CDHR1: variants seen among roughly 807,000 people sequenced by gnomAD.
The protein encoded by CDHR1 is cadherin related family member 1.
In CDHR1, 61 loss-of-function variants were observed where a neutral mutation model predicts 72.1. The ratio of observed to expected loss-of-function variants is 0.85; its 90% CI spans 0.69 to 1.05. The LOEUF (loss-of-function observed/expected upper bound fraction) is 1.05, where lower values mean the gene tolerates loss of function less well. Among genes scored for constraint, CDHR1 ranks in the 50% least tolerant of loss-of-function variants. The probability of loss-of-function intolerance (pLI) is 0.00; values close to 1 mark genes in which losing one functional copy is unlikely to be tolerated. For synonymous variants in CDHR1, 470 were observed against 448.1 expected (o/e 1.05, Z -0.62); for missense variants, 1,186 against 1,115.7 (o/e 1.06, Z -0.90).
chr10:84,194,676 TGCCCTCCCCGCGG>T lies in CDHR1; in HGVS notation c.-80_-68del. ...TCGCCGCTACCCCCATTGTGGTCTC[TGCCCTCCCCGCGG>T]GCCCAGGGCATGCTCCGTGCCCCTG... On this transcript the variant is annotated 5_prime_UTR_variant, in exon 1 of 17. Coordinates refer to ENST00000623527, the MANE Select transcript of CDHR1 (RefSeq NM_033100.4). 1 of 1,137,874 alleles carries T rather than the reference TGCCCTCCCCGCGG, an allele frequency of 8.8e-7. No individual in the cohort carries two copies. Among genetic ancestry groups the T allele is most frequent in the Non-Finnish European group, 1.2e-6 (1 of 861,234 alleles). 70.5% of individuals were successfully genotyped at this position (1,137,874 alleles called of 1,614,324 possible). A position where few individuals can be genotyped will look rare whatever the true frequency, so the allele number is the denominator to read the frequency against.
chr10:84,208,235 G>A lies in CDHR1; in HGVS notation c.1025G>A (p.Arg342Lys). 1 of 1,614,154 alleles carries A rather than the reference G, an allele frequency of 6.2e-7. No individual in the cohort carries two copies. The highest frequency in any genetic ancestry group is 1.1e-5 in the South Asian group (1 of 91,084). ...AAQATVPVTIRIVDLNNHPPT... is the reference protein window; with the variant it reads ...AAQATVPVTIKIVDLNNHPPT... ...CAGGCCACCGTCCCAGTCACCATCAGGATTGTGGACCTCAACAACCACCCG... is the reference window on the plus strand; with the variant it reads ...CAGGCCACCGTCCCAGTCACCATCAAGATTGTGGACCTCAACAACCACCCG... The change falls in exon 11 of 17, where the codon AGG becomes AAG. Residue 342 changes from arginine (R) to lysine (K), a missense_variant. Coordinates refer to ENST00000623527, the MANE Select transcript of CDHR1 (RefSeq NM_033100.4).
At position 84,207,717 on chromosome 10, in the gene CDHR1, C is replaced by G. The variant is rs79242005; in HGVS notation, c.964-457C>G. On this transcript the variant is annotated intron_variant, in intron 10 of 16. Coordinates refer to ENST00000623527, the MANE Select transcript of CDHR1 (RefSeq NM_033100.4). Reference sequence around the variant, plus strand: ...CTGTGGTTCAGGACTCCAGGCTCAGCTTGGCTGGGTCTTCGGTCTCCAGGT... The same window carrying G: ...CTGTGGTTCAGGACTCCAGGCTCAGGTTGGCTGGGTCTTCGGTCTCCAGGT... Among the ~76,000 whole-genome samples, 744 of 152,306 alleles carry G rather than the reference C, an allele frequency of 4.9e-3. 7 individuals are homozygous for G. The highest frequency in any genetic ancestry group is 0.017 in the African/African-American group (712 of 41,568).
Position 84,194,769 on chromosome 10 carries a change from C to T in CDHR1, c.9C>T (p.Arg3=), listed in dbSNP as rs936932512. MR[R]CRWAALALGL... is the part of the protein sequence containing the mutation. Reference sequence around the variant, plus strand: ...TCCGCGCCGGCGGAGACATGAGGCGCTGCCGGTGGGCCGCCCTGGCCCTGG... The same window carrying T: ...TCCGCGCCGGCGGAGACATGAGGCGTTGCCGGTGGGCCGCCCTGGCCCTGG... Residue 3 remains arginine, a synonymous_variant, in exon 1 of 17, where the codon CGC becomes CGT. Coordinates refer to ENST00000623527, the MANE Select transcript of CDHR1 (RefSeq NM_033100.4). 4 of 1,522,218 alleles carry T rather than the reference C, an allele frequency of 2.6e-6. No individual in the cohort carries two copies. The highest frequency in any genetic ancestry group is 2.8e-5 in the African/African-American group (2 of 71,292). The allele number at this position is 1,522,218 out of a possible 1,614,324, so 94.3% of individuals were successfully genotyped here.
At position 84,197,789 on chromosome 10, in the gene CDHR1, G is replaced by C. The variant is rs750669992; in HGVS notation, c.301G>C (p.Glu101Gln). Residue 101 changes from glutamate (E) to glutamine (Q), a missense_variant, in exon 4 of 17, where the codon GAA (glutamate) becomes CAA (glutamine). Coordinates refer to ENST00000623527, the MANE Select transcript of CDHR1 (RefSeq NM_033100.4). The part of the protein sequence containing the change: ...TLVEELDRER[E>Q]DEIEAIISIS... ...ACTCAGTCCCTGTGCTTCACAGAGG[G>C]AAGATGAGATTGAAGCCATCATCAG... 1 of 1,613,996 alleles carries C rather than the reference G, an allele frequency of 6.2e-7. No individual in the cohort carries two copies. Among genetic ancestry groups the C allele is most frequent in the Non-Finnish European group, 8.5e-7 (1 of 1,179,922 alleles).
chr10:84,200,513 A>C, intron 5 of CDHR1, 88 bp from the exon 6 acceptor site: 1 of 845,952 alleles, frequency 1.2e-6, no homozygotes, highest in Non-Finnish European at 2.0e-6. Flanking sequence ...TCACTCCCCG[A>C]CCCCACTGCT....
Position 84,199,047 on chromosome 10 carries a change from G to C in CDHR1, c.364G>C (p.Val122Leu). 6.4e-7 allele frequency: 1 copy of C among 1,551,664 alleles called. No homozygotes were observed. The highest frequency in any genetic ancestry group is 8.7e-7 in the Non-Finnish European group (1 of 1,147,002). Reference protein sequence around the residue: ...DGLNLVAEKVVILVTDANDEA... With the variant: ...DGLNLVAEKVLILVTDANDEA... ...CCCTTCTCAGGTGGCCGAAAAAGTCGTGATCCTGGTGACCGATGCCAATGA... is the reference window on the plus strand; with the variant it reads ...CCCTTCTCAGGTGGCCGAAAAAGTCCTGATCCTGGTGACCGATGCCAATGA... Residue 122 changes from valine (V) to leucine (L), a missense_variant, in exon 5 of 17, where the codon GTG becomes CTG. Transcript: ENST00000623527.
chr10:84,199,001 A>C (rs1448240186), intron 4 of CDHR1, 31 bp from the exon 5 acceptor site: 1 of 1,527,170 alleles, frequency 6.5e-7, no homozygotes, highest in Admixed American at 2.0e-5. Flanking sequence ...GTCTCATTGC[A>C]CTGGCTCTTG....
chr10:84,218,914 A>G (rs960698536), downstream of CDHR1, among the ~76,000 whole-genome samples: 1 of 152,140 alleles, frequency 6.6e-6, no homozygotes, highest in Non-Finnish European at 1.5e-5. Context: ...TATTATTGTG[A>G]CATTTACTGA....
Position 84,195,543 on chromosome 10 carries a change from C to G in CDHR1, c.105C>G (p.Thr35=), listed in dbSNP as rs1842014132. The stretch of plus-strand genomic sequence containing the variant: ...TCTTCGACAACGGGGTCGGCAGCAC[C>G]AACGGAAACATGGCTCTGTTCAGCC... ...PHFFDNGVGS[T]NGNMALFSLP... Residue 35 remains threonine, a synonymous_variant, in exon 2 of 17, where the codon ACC becomes ACG. Transcript: ENST00000623527. The G allele has an allele frequency of 6.2e-7, 1 of 1,614,072 alleles. No individual in the cohort carries two copies. The highest frequency in any genetic ancestry group is 1.7e-5 in the Admixed American group (1 of 60,018).
At chr10:84,210,459 G>A (rs1240799357) in intron 12 of CDHR1, among the ~76,000 whole-genome samples, 1 of 152,094 alleles carries the variant, frequency 6.6e-6, no homozygotes, top group African/African-American at 2.4e-5. Flanking sequence ...AGAAATGGGG[G>A]TTTCACCATG....
intron 8 of CDHR1, among the ~76,000 whole-genome samples, 162 bp downstream of exon 8, chr10:84,203,285 C>T (rs1842164606): frequency 6.6e-6 from 1 of 152,236 alleles, no homozygotes; most frequent in Admixed American, 6.5e-5. Context: ...CATGAACTGG[C>T]CCTTTTGCCC....
At chr10:84,219,090 A>G, downstream of CDHR1, 1 of 1,101,620 alleles carries the variant, frequency 9.1e-7, no homozygotes, top group South Asian at 1.4e-5. Flanking sequence ...TGAGAAGACT[A>G]AGGTACATGA....
At position 84,203,123 on chromosome 10, in the gene CDHR1, G is replaced by A. The variant is rs147346345; in HGVS notation, c.783G>A (p.Pro261=). The part of the protein sequence containing the change: ...YYGYVYEDTL[P]GSEVLKVVAM... ...GCTATGTGTACGAGGACACCCTTCCGGTGGGTGGCTGTCCCCCTCAGCCAG... is the reference window on the plus strand; with the variant it reads ...GCTATGTGTACGAGGACACCCTTCCAGTGGGTGGCTGTCCCCCTCAGCCAG... Residue 261 remains proline (P), a splice_region_variant and synonymous_variant, in exon 8 of 17, where the codon CCG becomes CCA. Coordinates refer to ENST00000623527, the MANE Select transcript of CDHR1 (RefSeq NM_033100.4). 2.4e-3 allele frequency: 3,821 copies of A among 1,614,180 alleles called. 17 individuals carry two copies. Among genetic ancestry groups the A allele is most frequent in the Non-Finnish European group, 2.7e-3 (3,191 of 1,180,036 alleles).
Position 84,217,778 on chromosome 10 carries a change from G to A in CDHR1, c.*3157G>A, listed in dbSNP as rs1842448382. 1.0e-6 allele frequency: 1 copy of A among 985,286 alleles called. No homozygotes were observed. Among genetic ancestry groups the A allele is most frequent in the African/African-American group, 1.7e-5 (1 of 57,218 alleles). 61.0% of individuals were successfully genotyped at this position (985,286 alleles called of 1,614,324 possible). On this transcript the variant is annotated 3_prime_UTR_variant, in exon 17 of 17. Transcript: ENST00000623527. The stretch of plus-strand genomic sequence containing the variant: ...CATGCTAGAAAAAGAGAAGAGAGTG[G>A]ATCCAGAGGGGAGTGGAGGACAGGG...
At position 84,213,094 on chromosome 10, in the gene CDHR1, A is replaced by G. The variant is rs758767344; in HGVS notation, c.1786A>G (p.Ile596Val). Residue 596 changes from isoleucine to valine, a missense_variant, in exon 16 of 17, where the codon ATA (isoleucine) becomes GTA (valine). By Grantham distance (29) the Ile-to-Val change is conservative. Transcript: ENST00000623527. ...VLGTPVKIEA[I>V]DEDAEEPNNL... is the part of the protein sequence containing the mutation. ...GTCTGTCTCTCCCTGCGCACAGGCC[A>G]TAGACGAGGATGCAGAGGAACCCAA... 1.9e-6 allele frequency: 3 copies of G among 1,614,108 alleles called. No homozygotes were observed. The highest frequency in any genetic ancestry group is 2.7e-5 in the African/African-American group (2 of 74,936).
chr10:84,219,359 T>A (rs1033688082), downstream of CDHR1: 39 of 1,516,228 alleles, frequency 2.6e-5, no homozygotes, highest in African/African-American at 4.7e-4. Flanking sequence ...ACTGAATACT[T>A]CCCTACCCAC....
Position 84,218,217 on chromosome 10 carries a change from C to CAA in CDHR1, c.*3598_*3599dup. 1.0e-6 allele frequency: 1 copy of CAA among 985,422 alleles called. No individual in the cohort carries two copies. The highest frequency in any genetic ancestry group is 1.2e-6 in the Non-Finnish European group (1 of 829,932). The allele number at this position is 985,422 out of a possible 1,614,324, so 61.0% of individuals were successfully genotyped here. On this transcript the variant is annotated 3_prime_UTR_variant, in exon 17 of 17. Transcript: ENST00000623527. Reference sequence around the variant, plus strand: ...CATGGAGGACCCCTTAGGAAACTCACAAACAACCTAGGGAGGGGTTCTCTG... The same window carrying CAA: ...CATGGAGGACCCCTTAGGAAACTCACAAAAACAACCTAGGGAGGGGTTCTCTG...
chr10:84,219,042 G>T (rs988285081), downstream of CDHR1: 2 of 769,610 alleles, frequency 2.6e-6, no homozygotes, highest in African/African-American at 1.8e-5. Context: ...TTTTACAGGT[G>T]AGAACACTAA....
Position 84,217,911 on chromosome 10 carries a change from T to C in CDHR1, c.*3290T>C. On this transcript the variant is annotated 3_prime_UTR_variant, in exon 17 of 17. Transcript: ENST00000623527. ...AGGTCTCTAAGAACTTGTGGCACTC[T>C]GTCCTCAAGCAGCTGTCCCTCAGAA... 4.1e-6 allele frequency: 4 copies of C among 985,504 alleles called. No homozygotes were observed. Among genetic ancestry groups the C allele is most frequent in the Non-Finnish European group, 4.8e-6 (4 of 829,968 alleles). The allele number at this position is 985,504 out of a possible 1,614,324, so 61.0% of individuals were successfully genotyped here.
Sources: allele counts gnomAD v4.1 joint callset (sites outside exome capture counted in the v4.1 genomes callset), GRCh38; gene constraint gnomAD v4.1.1; transcripts MANE v1.5; gene names NCBI Gene and HGNC (gene_info 2026-07-23, HGNC 2026-07-21).